Variants in CSMD1 observed in about 807,000 individuals in gnomAD.
CSMD1 encodes CUB and Sushi multiple domains 1, also known as CUB and sushi domain-containing protein 1.
Under a neutral mutation model 417.5 loss-of-function variants are expected in CSMD1, and 213 were observed. That is an observed-to-expected ratio of 0.51 (90% CI 0.46 to 0.57). The LOEUF (loss-of-function observed/expected upper bound fraction) is 0.57. Among genes scored for constraint, CSMD1 ranks in the 20% least tolerant of loss-of-function variants. The pLI is 0.00. For missense variants in CSMD1, 6,923 were observed against 4,529.7 expected (o/e 1.53, Z -15.17); for synonymous variants, 2,862 against 1,736.8 (o/e 1.65, Z -16.11).
intron 18 of CSMD1, among the ~76,000 whole-genome samples, chr8:3,374,544 T>A (rs1431374659): frequency 6.6e-6 from 1 of 152,224 alleles, no homozygotes; most frequent in African/African-American, 2.4e-5. Flanking sequence ...AAAGGAGGTC[T>A]AGATGATTAG....
At chr8:4,440,101 A>G (rs1049234626) in intron 2 of CSMD1, among the ~76,000 whole-genome samples, 27 of 152,186 alleles carry the variant, frequency 1.8e-4, no homozygotes, top group Admixed American at 1.1e-3. Flanking sequence ...GATATTGGAA[A>G]AGAGGAACTC....
intron 40 of CSMD1, 42 bp from the exon 41 acceptor site, chr8:3,142,716 A>G: frequency 2.0e-6 from 3 of 1,478,938 alleles, no homozygotes; most frequent in Non-Finnish European, 2.8e-6. Context: ...TCATATCAAA[A>G]TGTATAAAAT....
chr8:4,753,651 G>C (rs1264113415), intron 1 of CSMD1, among the ~76,000 whole-genome samples: 1 of 152,116 alleles, frequency 6.6e-6, no homozygotes. Flanking sequence ...ATGACCTTTT[G>C]ATGCTGCCTT....
intron 10 of CSMD1, among the ~76,000 whole-genome samples, chr8:3,566,027 A>C (rs1201936113): frequency 2.6e-5 from 4 of 152,200 alleles, no homozygotes; most frequent in African/African-American, 9.7e-5. Context: ...AATAAAACAT[A>C]AACTCTTTGC....
intron 1 of CSMD1, among the ~76,000 whole-genome samples, chr8:4,840,598 T>C (rs1268200239): frequency 1.3e-5 from 2 of 152,164 alleles, no homozygotes; most frequent in Admixed American, 6.5e-5. Flanking sequence ...TAAGAAAATA[T>C]AGCTTAACAC....
chr8:3,670,941 ATGGG>A (rs1585049446), intron 7 of CSMD1, among the ~76,000 whole-genome samples: 12 of 142,902 alleles, frequency 8.4e-5, no homozygotes, highest in South Asian at 2.2e-4. Context: ...ATATATATGT[ATGGG>A]TATATGTGTA....
chr8:2,951,729 A>G (rs907992261), intron 65 of CSMD1, among the ~76,000 whole-genome samples: 1 of 152,202 alleles, frequency 6.6e-6, no homozygotes, highest in African/African-American at 2.4e-5. Context: ...ATACGAGAGC[A>G]ATGCCCTGTC....
intron 3 of CSMD1, among the ~76,000 whole-genome samples, chr8:4,180,399 G>A (rs917938529): frequency 2.1e-5 from 3 of 143,524 alleles, no homozygotes; most frequent in African/African-American, 7.8e-5. Flanking sequence ...GACACAGGAA[G>A]GGGAACATCA....
intron 18 of CSMD1, among the ~76,000 whole-genome samples, chr8:3,380,932 A>G (rs1212603097): frequency 1.3e-5 from 2 of 152,186 alleles, no homozygotes; most frequent in Non-Finnish European, 2.9e-5. Flanking sequence ...AATATTTTAA[A>G]AAGTAAGTTA....
intron 3 of CSMD1, among the ~76,000 whole-genome samples, chr8:4,147,517 A>G (rs917803364): frequency 6.6e-6 from 1 of 152,182 alleles, no homozygotes; most frequent in African/African-American, 2.4e-5. Flanking sequence ...TGTCTCCATT[A>G]GAGCCCTCCT....
intron 30 of CSMD1, among the ~76,000 whole-genome samples, chr8:3,213,311 T>C (rs866673578): frequency 4.6e-5 from 7 of 152,186 alleles, no homozygotes; most frequent in Admixed American, 2.0e-4. Flanking sequence ...TCATTCTTCT[T>C]CTTTTTTAAA....
At chr8:3,788,167 G>C (rs1289505740) in intron 5 of CSMD1, among the ~76,000 whole-genome samples, 1 of 152,148 alleles carries the variant, frequency 6.6e-6, no homozygotes, top group Non-Finnish European at 1.5e-5. Context: ...TAAAACAAGG[G>C]ATTCATGTGA....
intron 5 of CSMD1, among the ~76,000 whole-genome samples, chr8:3,949,475 A>T (rs977836029): frequency 1.3e-5 from 2 of 152,176 alleles, no homozygotes; most frequent in African/African-American, 4.8e-5. Flanking sequence ...AAGCACCAAT[A>T]CTATATAAAT....
chr8:4,674,837 G>C (rs900185950), intron 1 of CSMD1, among the ~76,000 whole-genome samples: 4 of 151,364 alleles, frequency 2.6e-5, no homozygotes, highest in Non-Finnish European at 5.9e-5. Context: ...GTGATATCTG[G>C]AGGTGGGGCA....
At chr8:3,087,066 A>T in intron 49 of CSMD1, 31 bp downstream of exon 49, 1 of 1,585,784 alleles carries the variant, frequency 6.3e-7, no homozygotes, top group Non-Finnish European at 8.6e-7. Flanking sequence ...TACACAGGAA[A>T]CAAGGCTGGG....
At chr8:4,573,530 G>A (rs560596686) in intron 2 of CSMD1, among the ~76,000 whole-genome samples, 31 of 152,212 alleles carry the variant, frequency 2.0e-4, no homozygotes, top group East Asian at 7.8e-4. Context: ...GATGCCATCC[G>A]GAGCTCTCCT....
At chr8:4,142,793 C>G (rs992989538) in intron 3 of CSMD1, among the ~76,000 whole-genome samples, 1 of 150,946 alleles carries the variant, frequency 6.6e-6, no homozygotes, top group Admixed American at 6.6e-5. Flanking sequence ...TCAACAAAGT[C>G]TCGTATTTAT....
chr8:3,450,764 A>G (rs904188195), intron 12 of CSMD1, among the ~76,000 whole-genome samples: 13 of 151,972 alleles, frequency 8.6e-5, no homozygotes, highest in African/African-American at 1.9e-4. Flanking sequence ...GAATAGTGCC[A>G]CAGTAAACAT....
chr8:3,159,077 G>A (rs530624693), intron 38 of CSMD1, among the ~76,000 whole-genome samples: 76 of 152,130 alleles, frequency 5.0e-4, no homozygotes, highest in Non-Finnish European at 7.6e-4. Flanking sequence ...AGGTAATTTT[G>A]TGCTGCCGGC....
Sources: gnomAD v4.1 joint callset for allele counts (sites outside exome capture counted in the v4.1 genomes callset) on GRCh38, gnomAD v4.1.1 for gene constraint, MANE v1.5 for transcripts, NCBI Gene and HGNC (gene_info 2026-07-23, HGNC 2026-07-21) for gene names.